Variants in CCM2 observed in about 807,000 individuals in gnomAD.
CCM2 encodes CCM2 scaffold protein.
Under a neutral mutation model 44.9 loss-of-function variants are expected in CCM2, and 25 were observed. That is an observed-to-expected ratio of 0.56 (90% CI 0.41 to 0.78). The LOEUF is 0.78. Ranked by LOEUF, CCM2 falls within the 30% of genes least tolerant of loss-of-function variation. CCM2 has a pLI of 0.00. For missense variants in CCM2, 481 were observed against 580.6 expected (o/e 0.83, Z 1.76); for synonymous variants, 219 against 241.1 (o/e 0.91, Z 0.85).
chr7:45,074,159 G>T, intron 8 of CCM2, 111 bp from the exon 9 acceptor site: 1 of 1,575,784 alleles, frequency 6.3e-7, no homozygotes. Context: ...CAGAGGTGAA[G>T]CCAGAGACAG....
At position 45,064,620 on chromosome 7, in the gene CCM2, C is replaced by T; in HGVS notation, c.446C>T (p.Ala149Val). The change falls in exon 4 of 10, where the codon GCT (alanine) becomes GTT (valine). Residue 149 changes from alanine (A) to valine (V), a missense_variant. By Grantham distance (64) the Ala-to-Val change is moderately conservative (BLOSUM62 0). Transcript: ENST00000258781. The part of the protein sequence containing the change: ...IAAVSYVRDD[A>V]AHLVVLKTAQ... Reference sequence around the variant, plus strand: ...GCCGTCTCCTATGTTCGGGATGACGCTGCACACCTGGTGGTCCTGAAGACA... The same window carrying T: ...GCCGTCTCCTATGTTCGGGATGACGTTGCACACCTGGTGGTCCTGAAGACA... The T allele has an allele frequency of 3.7e-6, 6 of 1,614,000 alleles. No individual in the cohort carries two copies. The highest frequency in any genetic ancestry group is 5.1e-6 in the Non-Finnish European group (6 of 1,180,040).
chr7:45,028,639 A>G (rs988717049), intron 1 of CCM2, among the ~76,000 whole-genome samples: 4 of 152,032 alleles, frequency 2.6e-5, no homozygotes, highest in Non-Finnish European at 4.4e-5. Context: ...CCTGGGTGAC[A>G]GAGTGAAACT....
At chr7:45,055,210 T>C (rs1798201493) in intron 2 of CCM2, among the ~76,000 whole-genome samples, 1 of 152,194 alleles carries the variant, frequency 6.6e-6, no homozygotes, top group South Asian at 2.1e-4. Flanking sequence ...TCTGTAAACA[T>C]AATTCCGGGG....
chr7:45,051,305 G>A (rs1348980351), intron 2 of CCM2, among the ~76,000 whole-genome samples: 1 of 152,216 alleles, frequency 6.6e-6, no homozygotes, highest in Non-Finnish European at 1.5e-5. Context: ...GCATCCTAAA[G>A]AAGAGGGGGC....
intron 1 of CCM2, among the ~76,000 whole-genome samples, chr7:45,014,818 C>T (rs1002595941): frequency 5.3e-5 from 8 of 151,056 alleles, no homozygotes; most frequent in African/African-American, 1.5e-4. Context: ...GACGGGGTTT[C>T]GTCATGTTGG....
intron 1 of CCM2, chr7:45,027,471 G>A: frequency 1.6e-6 from 1 of 642,526 alleles, no homozygotes; most frequent in Non-Finnish European, 2.6e-6. Flanking sequence ...GCTGTGGGAA[G>A]TAGGGAAAAT....
At chr7:45,014,766 C>T (rs1461665518) in intron 1 of CCM2, among the ~76,000 whole-genome samples, 3 of 151,920 alleles carry the variant, frequency 2.0e-5, no homozygotes, top group African/African-American at 4.8e-5. Flanking sequence ...GGATCACAGG[C>T]GTGCACCACC....
intron 1 of CCM2, among the ~76,000 whole-genome samples, chr7:45,009,318 A>AAAAAAG (rs1554356438): frequency 9.2e-6 from 1 of 108,594 alleles, no homozygotes; most frequent in Admixed American, 1.1e-4. Flanking sequence ...AAAAAAAAAA[A>AAAAAAG]AAAATTTTTG....
intron 1 of CCM2, among the ~76,000 whole-genome samples, chr7:45,037,275 C>G (rs887386029): frequency 6.6e-6 from 1 of 151,740 alleles, no homozygotes. Context: ...CTGTAATCCT[C>G]TCTTGCTCTC....
chr7:45,022,747 A>AT (rs1157681095), intron 1 of CCM2, among the ~76,000 whole-genome samples: 1 of 150,188 alleles, frequency 6.7e-6, no homozygotes, highest in African/African-American at 2.5e-5. Context: ...TCTGGCTTTT[A>AT]TTTTATTTTT....
At chr7:45,037,168 CCG>C (rs1797262156) in intron 1 of CCM2, among the ~76,000 whole-genome samples, 2 of 151,850 alleles carry the variant, frequency 1.3e-5, no homozygotes, top group African/African-American at 4.8e-5. Flanking sequence ...CCCCCACCCC[CCG>C]CCGCCATTGT....
At chr7:45,010,410 T>C (rs944594318) in intron 1 of CCM2, among the ~76,000 whole-genome samples, 3 of 152,226 alleles carry the variant, frequency 2.0e-5, no homozygotes, top group African/African-American at 7.2e-5. Flanking sequence ...ATTCTAGAAC[T>C]TCATACAGAT....
At chr7:45,010,140 G>C (rs1796010516) in intron 1 of CCM2, among the ~76,000 whole-genome samples, 1 of 151,916 alleles carries the variant, frequency 6.6e-6, no homozygotes, top group South Asian at 2.1e-4. Flanking sequence ...TGAATTCCTG[G>C]GCTTAAGCAA....
At chr7:45,035,269 TTCA>T (rs1797161971) in intron 1 of CCM2, among the ~76,000 whole-genome samples, 1 of 152,224 alleles carries the variant, frequency 6.6e-6, no homozygotes, top group Non-Finnish European at 1.5e-5. Flanking sequence ...AGAAAATATA[TTCA>T]TCATTTTCAA....
At chr7:45,005,467 C>T (rs1245084648) in intron 1 of CCM2, among the ~76,000 whole-genome samples, 4 of 152,218 alleles carry the variant, frequency 2.6e-5, no homozygotes, top group Admixed American at 1.3e-4. Context: ...ACGAGAAGGG[C>T]GTCTGCAGTC....
intron 2 of CCM2, among the ~76,000 whole-genome samples, chr7:45,060,853 G>A (rs575360738): frequency 6.6e-6 from 1 of 152,214 alleles, no homozygotes; most frequent in Non-Finnish European, 1.5e-5. Context: ...TACTTTTTCC[G>A]TTAGAGCCAT....
rs907044131 is a variant in CCM2 at position 45,074,320 on chromosome 7, G to A, written c.966G>A (p.Leu322=). 3 of 1,613,778 alleles carry A rather than the reference G, an allele frequency of 1.9e-6. No individual in the cohort carries two copies. The Admixed American group carries it at 5.0e-5, about 27-fold the overall frequency. ...AGATCCAGCAGTTTGCAGCACTGCT[G>A]CACGAGTACCGCAATGGGGCCTCTA... The part of the protein sequence containing the change: ...SQEIQQFAAL[L]HEYRNGASIH... The change falls in exon 9 of 10, where the codon CTG becomes CTA. Residue 322 remains leucine, a synonymous_variant. Coordinates refer to ENST00000258781, the MANE Select transcript of CCM2 (RefSeq NM_031443.4).
intron 2 of CCM2, among the ~76,000 whole-genome samples, chr7:45,060,739 T>C (rs1193388298): frequency 6.6e-6 from 1 of 152,242 alleles, no homozygotes; most frequent in Admixed American, 6.5e-5. Context: ...TTGAAGGCAG[T>C]CCCCATTGCT....
chr7:45,014,226 G>A (rs1356866701), intron 1 of CCM2, among the ~76,000 whole-genome samples: 2 of 151,992 alleles, frequency 1.3e-5, no homozygotes, highest in Non-Finnish European at 2.9e-5. Flanking sequence ...TGCAACCTCT[G>A]CCTCCCAGGT....
Sources: gnomAD v4.1 joint callset for allele counts (sites outside exome capture counted in the v4.1 genomes callset) on GRCh38, gnomAD v4.1.1 for gene constraint, MANE v1.5 for transcripts, NCBI Gene and HGNC (gene_info 2026-07-23, HGNC 2026-07-21) for gene names.